SEPTIN7: variants seen among roughly 807,000 people sequenced by gnomAD.
SEPTIN7 encodes septin 7.
Under a neutral mutation model 63.3 loss-of-function variants are expected in SEPTIN7, and 10 were observed. The observed-to-expected ratio is 0.16, with a 90% CI of 0.10 to 0.27. SEPTIN7 has a LOEUF of 0.27. Ranked by LOEUF, SEPTIN7 falls within the 10% of genes least tolerant of loss-of-function variation. The pLI is 1.00. For synonymous variants in SEPTIN7, 131 were observed against 165.3 expected (o/e 0.79, Z 1.59); for missense variants, 310 against 521.0 (o/e 0.59, Z 3.94).
intron 11 of SEPTIN7, among the ~76,000 whole-genome samples, 182 bp downstream of exon 11, chr7:35,890,975 A>G (rs981209902): frequency 7.9e-5 from 12 of 152,222 alleles, no homozygotes; most frequent in African/African-American, 9.6e-5. Context: ...TGAATGAACC[A>G]TTTTGATAGT....
intron 4 of SEPTIN7, among the ~76,000 whole-genome samples, chr7:35,870,319 T>G (rs753965903): frequency 6.6e-6 from 1 of 152,232 alleles, no homozygotes; most frequent in Non-Finnish European, 1.5e-5. Context: ...TCTTAAAATT[T>G]AAGCTGTTAA....
At chr7:35,885,383 A>G (rs528781839) in intron 9 of SEPTIN7, among the ~76,000 whole-genome samples, 19 of 152,236 alleles carry the variant, frequency 1.2e-4, no homozygotes, top group African/African-American at 3.4e-4. Flanking sequence ...TAATATTCCT[A>G]TTTGTGATAC....
chr7:35,914,529 C>T, the SEPTIN7 span, among the ~76,000 whole-genome samples: 1 of 152,208 alleles, frequency 6.6e-6, no homozygotes, highest in African/African-American at 2.4e-5. Context: ...CCTGGGTCTC[C>T]ACACTGATGG....
intron 1 of SEPTIN7, among the ~76,000 whole-genome samples, chr7:35,820,115 A>G (rs552613051): frequency 2.6e-5 from 4 of 151,872 alleles, no homozygotes; most frequent in African/African-American, 9.7e-5. Flanking sequence ...TCGGGCCTCC[A>G]TGGTTTCTGA....
chr7:35,838,972 C>G (rs977234996), intron 3 of SEPTIN7, among the ~76,000 whole-genome samples: 1 of 152,094 alleles, frequency 6.6e-6, no homozygotes, highest in African/African-American at 2.4e-5. Context: ...CATTGGTCTT[C>G]CTATATAAAT....
At chr7:35,891,221 T>C (rs1787620717) in intron 11 of SEPTIN7, among the ~76,000 whole-genome samples, 1 of 152,180 alleles carries the variant, frequency 6.6e-6, no homozygotes, top group Non-Finnish European at 1.5e-5. Context: ...AAAAGAGATG[T>C]GTGAGGAAGC....
rs1320868720 is a variant in SEPTIN7, at chr7:35,801,254, C to G, written c.45C>G (p.Val15=). ...ARSAAAEERS[V]NSSTMVAQQK... is the part of the protein sequence containing the mutation. ...CCGCTGCTGCTGAGGAGAGGAGCGT[C>G]AACAGCAGCACCATGGGTGAGTCTC... The change falls in exon 1 of 14, where the codon GTC becomes GTG. Residue 15 remains valine (V), a synonymous_variant. Transcript: ENST00000350320. The G allele has an allele frequency of 1.2e-5, 18 of 1,528,622 alleles. No individual in the cohort carries two copies. Among genetic ancestry groups the G allele is most frequent in the Non-Finnish European group, 1.6e-5 (18 of 1,139,984 alleles). The allele number at this position is 1,528,622 out of a possible 1,614,324, so 94.7% of individuals were successfully genotyped here.
At chr7:35,842,785 A>T (rs1173124322) in intron 3 of SEPTIN7, among the ~76,000 whole-genome samples, 1 of 152,142 alleles carries the variant, frequency 6.6e-6, no homozygotes, top group Non-Finnish European at 1.5e-5. Context: ...TTTTCCTAGG[A>T]TATTTGAGAT....
At chr7:35,828,224 C>T (rs1323361273) in intron 1 of SEPTIN7, among the ~76,000 whole-genome samples, 1 of 152,134 alleles carries the variant, frequency 6.6e-6, no homozygotes, top group African/African-American at 2.4e-5. Flanking sequence ...GACCTTATTT[C>T]CAAATTTTAT....
At chr7:35,829,982 T>A (rs1008670682) in intron 1 of SEPTIN7, among the ~76,000 whole-genome samples, 14 of 151,696 alleles carry the variant, frequency 9.2e-5, no homozygotes, top group African/African-American at 3.4e-4. Flanking sequence ...GGTCAGGAGT[T>A]CAAGACCAGC....
In SEPTIN7 at chr7:35,832,912, T is replaced by C. The variant is rs530056505; in HGVS notation, c.169+12T>C. 4.1e-6 allele frequency: 6 copies of C among 1,466,136 alleles called. No individual in the cohort carries two copies. In the African/African-American group the frequency reaches 5.6e-5, roughly 14 times the overall value. 90.8% of individuals were successfully genotyped at this position (1,466,136 alleles called of 1,614,324 possible). ...GCTTATGGTAGTGGGTAAGATATGA[T>C]TTCTTACTAAAATGGAACTTTGGTT... On this transcript the variant is annotated intron_variant, in intron 3 of 13. Transcript: ENST00000350320.
At chr7:35,881,945 AC>A (rs1407650900) in intron 7 of SEPTIN7, among the ~76,000 whole-genome samples, 2 of 152,010 alleles carry the variant, frequency 1.3e-5, no homozygotes, top group African/African-American at 4.8e-5. Context: ...CCCTAATCTT[AC>A]ACCTGTTGCT....
chr7:35,903,227 C>T lies in SEPTIN7; in HGVS notation c.1274+12C>T, dbSNP rs1562594219. ...CAGAACTCTTCAAGGTAACTAATAGCAGATTACTAAGAAATGTGTGTATTA... is the reference window on the plus strand; with the variant it reads ...CAGAACTCTTCAAGGTAACTAATAGTAGATTACTAAGAAATGTGTGTATTA... On this transcript the variant is annotated intron_variant, in intron 13 of 13. Coordinates refer to ENST00000350320, the MANE Select transcript of SEPTIN7 (RefSeq NM_001788.6). 5 of 1,536,282 alleles carry T rather than the reference C, an allele frequency of 3.3e-6. No homozygotes were observed. Among genetic ancestry groups the T allele is most frequent in the African/African-American group, 2.8e-5 (2 of 71,634 alleles).
intron 6 of SEPTIN7, among the ~76,000 whole-genome samples, chr7:35,877,121 A>C (rs1398506521): frequency 6.6e-6 from 1 of 152,098 alleles, no homozygotes; most frequent in African/African-American, 2.4e-5. Flanking sequence ...AAAATAAATA[A>C]ATAAAAATGG....
intron 3 of SEPTIN7, among the ~76,000 whole-genome samples, chr7:35,858,249 C>T (rs866211481): frequency 2.6e-5 from 4 of 152,026 alleles, no homozygotes; most frequent in African/African-American, 9.7e-5. Flanking sequence ...CCAACCCCCA[C>T]TTTTATTTCT....
At chr7:35,841,802 C>G (rs1325263849) in intron 3 of SEPTIN7, among the ~76,000 whole-genome samples, 1 of 152,112 alleles carries the variant, frequency 6.6e-6, no homozygotes, top group African/African-American at 2.4e-5. Flanking sequence ...ATAGAAGACT[C>G]ATTTAGTATG....
intron 6 of SEPTIN7, among the ~76,000 whole-genome samples, chr7:35,877,571 T>TAAAA (rs762917389): frequency 1.3e-5 from 2 of 152,242 alleles, no homozygotes; most frequent in Non-Finnish European, 2.9e-5. Context: ...TTATAAAAGT[T>TAAAA]AAAGAATACC....
intron 6 of SEPTIN7, among the ~76,000 whole-genome samples, chr7:35,879,256 G>A (rs1206077200): frequency 6.6e-6 from 1 of 152,018 alleles, no homozygotes; most frequent in Non-Finnish European, 1.5e-5. Context: ...GTTGGAAGAG[G>A]ACTACCATTT....
chr7:35,804,967 A>G lies in SEPTIN7; in HGVS notation c.61+3697A>G, dbSNP rs564933402. ...GCAGTTCTCCTGTCTCAGCCTCGCG[A>G]GTAGCTGGGATTACAGGTGCTTGCC... On this transcript the variant is annotated intron_variant, in intron 1 of 13. Transcript: ENST00000350320. 5.9e-5 allele frequency among the ~76,000 whole-genome samples: 9 copies of G among 151,486 alleles called. No individual in the cohort carries two copies. The East Asian group carries it at 1.8e-3, about 30-fold the overall frequency.
Sources: allele counts gnomAD v4.1 joint callset (sites outside exome capture counted in the v4.1 genomes callset), GRCh38; gene constraint gnomAD v4.1.1; transcripts MANE v1.5; gene names NCBI Gene and HGNC (gene_info 2026-07-23, HGNC 2026-07-21).